Variants in KHDRBS3 observed in about 807,000 individuals in gnomAD.
KHDRBS3 encodes the protein KH RNA binding domain containing, signal transduction associated 3, also known as KH domain-containing, RNA-binding, signal transduction-associated protein 3.
KHDRBS3 carries 23 observed loss-of-function variants against 45.6 expected under a neutral mutation model. That is an observed-to-expected ratio of 0.50 (90% confidence interval 0.36 to 0.72). The LOEUF (loss-of-function observed/expected upper bound fraction) is 0.72. KHDRBS3 is among the 30% of genes least tolerant of loss of function. KHDRBS3 has a pLI of 0.00. For missense variants in KHDRBS3, 352 were observed against 424.8 expected (o/e 0.83, Z 1.51); for synonymous variants, 162 against 156.5 (o/e 1.04, Z -0.26).
intron 2 of KHDRBS3, among the ~76,000 whole-genome samples, chr8:135,527,947 A>C (rs1825276718): frequency 6.6e-6 from 1 of 152,142 alleles, no homozygotes; most frequent in Non-Finnish European, 1.5e-5. Context: ...ATATAAAAAC[A>C]TTTTCCATTT....
At chr8:135,634,727 G>A (rs965883454) in intron 7 of KHDRBS3, among the ~76,000 whole-genome samples, 4 of 152,178 alleles carry the variant, frequency 2.6e-5, no homozygotes, top group African/African-American at 9.7e-5. Flanking sequence ...TGCCCCAGAA[G>A]ACCAAGCTTT....
chr8:135,468,683 A>T (rs1019312087), intron 1 of KHDRBS3, among the ~76,000 whole-genome samples: 2 of 152,240 alleles, frequency 1.3e-5, no homozygotes, highest in Non-Finnish European at 2.9e-5. Flanking sequence ...CAGCAGAGAA[A>T]CTAGGAGCCC....
chr8:135,607,053 T>C lies in KHDRBS3; in HGVS notation c.890+16T>C. On this transcript the variant is annotated intron_variant, in intron 7 of 8. Coordinates refer to ENST00000355849, the MANE Select transcript of KHDRBS3 (RefSeq NM_006558.3). ...CAGCCCAAAGGTAAGAGTCAGTCTT[T>C]ATTACCAGACCCCACAACAGAAACC... is the stretch of plus-strand genomic sequence containing the variant. The C allele has an allele frequency of 6.3e-7, 1 of 1,587,824 alleles. No individual in the cohort carries two copies. The highest frequency in any genetic ancestry group is 8.6e-7 in the Non-Finnish European group (1 of 1,156,852).
At chr8:135,540,826 A>G (rs746763769) in intron 2 of KHDRBS3, 10 of 152,222 alleles carry the variant, frequency 6.6e-5, no homozygotes, top group Admixed American at 2.6e-4. Flanking sequence ...ATGTATGAAA[A>G]CAGAACTTCC....
chr8:135,506,142 G>A (rs1230427034), intron 1 of KHDRBS3, among the ~76,000 whole-genome samples: 2 of 152,090 alleles, frequency 1.3e-5, no homozygotes, highest in Non-Finnish European at 2.9e-5. Flanking sequence ...ATTCTTAAAC[G>A]TTCATCAAGT....
At chr8:135,472,264 G>A (rs1258351984) in intron 1 of KHDRBS3, among the ~76,000 whole-genome samples, 4 of 152,118 alleles carry the variant, frequency 2.6e-5, no homozygotes, top group Non-Finnish European at 4.4e-5. Flanking sequence ...CCTCTGTCAC[G>A]GAAGAGTTAC....
chr8:135,635,635 G>T (rs373657684), intron 7 of KHDRBS3, among the ~76,000 whole-genome samples: 3 of 152,232 alleles, frequency 2.0e-5, no homozygotes, highest in African/African-American at 7.2e-5. Context: ...CACCTGCCTC[G>T]GTCTCCCAAA....
chr8:135,624,802 A>G (rs545910056), intron 7 of KHDRBS3, among the ~76,000 whole-genome samples: 1 of 152,320 alleles, frequency 6.6e-6, no homozygotes, highest in East Asian at 1.9e-4. Context: ...TATTTTTCAC[A>G]ACATTCTCTG....
chr8:135,615,287 A>G lies in KHDRBS3; in HGVS notation c.890+8250A>G, dbSNP rs1181815903. 1.3e-5 allele frequency among the ~76,000 whole-genome samples: 2 copies of G among 149,030 alleles called. 1 individual carries two copies. The highest frequency in any genetic ancestry group is 5.2e-5 in the African/African-American group (2 of 38,644). On this transcript the variant is annotated intron_variant, in intron 7 of 8. Transcript: ENST00000355849. ...ACAGGGAAAAGGGAAGGAACAGCCCAAGACTGAATGTTAGCATGTGTAAGT... is the reference window on the plus strand; with the variant it reads ...ACAGGGAAAAGGGAAGGAACAGCCCGAGACTGAATGTTAGCATGTGTAAGT...
At chr8:135,560,814 A>G (rs1323421592) in intron 5 of KHDRBS3, among the ~76,000 whole-genome samples, 1 of 152,206 alleles carries the variant, frequency 6.6e-6, no homozygotes, top group Non-Finnish European at 1.5e-5. Context: ...TTTGTGGTGG[A>G]GTAATGATTG....
intron 2 of KHDRBS3, among the ~76,000 whole-genome samples, chr8:135,528,235 G>A (rs1586666491): frequency 6.6e-6 from 1 of 152,200 alleles, no homozygotes; most frequent in Admixed American, 6.5e-5. Context: ...CATATAAATG[G>A]TTAGGTCAAG....
At chr8:135,591,910 C>T (rs770954091) in intron 6 of KHDRBS3, among the ~76,000 whole-genome samples, 24 of 152,152 alleles carry the variant, frequency 1.6e-4, no homozygotes, top group Non-Finnish European at 2.4e-4. Flanking sequence ...CTCAAAACTG[C>T]TTCAATTATC....
chr8:135,643,074 T>A (rs1831133461), intron 7 of KHDRBS3, among the ~76,000 whole-genome samples: 1 of 152,296 alleles, frequency 6.6e-6, no homozygotes, highest in Middle Eastern at 3.4e-3. Flanking sequence ...ATTACAGGCA[T>A]GAGCCACCGC....
chr8:135,640,058 A>G (rs1175565431), intron 7 of KHDRBS3, among the ~76,000 whole-genome samples: 2 of 152,188 alleles, frequency 1.3e-5, no homozygotes, highest in Admixed American at 1.3e-4. Context: ...AGAAACTTTC[A>G]AAGAAGAGAT....
intron 4 of KHDRBS3, 95 bp downstream of exon 4, chr8:135,548,995 C>T (rs1826450449): frequency 6.1e-6 from 5 of 821,958 alleles, no homozygotes; most frequent in African/African-American, 1.8e-5. Flanking sequence ...TGCATAGCTC[C>T]TTTTCTGCTG....
chr8:135,580,215 G>T (rs1460974756), intron 5 of KHDRBS3, among the ~76,000 whole-genome samples: 1 of 152,222 alleles, frequency 6.6e-6, no homozygotes, highest in Non-Finnish European at 1.5e-5. Flanking sequence ...CCTCTGATGA[G>T]TAATGTAGAA....
At chr8:135,461,341 G>C (rs574010637) in intron 1 of KHDRBS3, among the ~76,000 whole-genome samples, 2 of 152,198 alleles carry the variant, frequency 1.3e-5, no homozygotes, top group Non-Finnish European at 2.9e-5. Context: ...CTGACCTCGT[G>C]ATCTGCCTGC....
intron 2 of KHDRBS3, among the ~76,000 whole-genome samples, chr8:135,531,051 A>G (rs1825449478): frequency 6.6e-6 from 1 of 152,208 alleles, no homozygotes; most frequent in Admixed American, 6.5e-5. Flanking sequence ...TGGGCTTCAT[A>G]GCTTGTCCTC....
intron 7 of KHDRBS3, among the ~76,000 whole-genome samples, chr8:135,634,753 T>C (rs924590490): frequency 6.6e-6 from 1 of 152,222 alleles, no homozygotes; most frequent in Admixed American, 6.5e-5. Flanking sequence ...CATGGTGTTA[T>C]GTGAGATCTG....
Sources: gnomAD v4.1 joint callset for allele counts (sites outside exome capture counted in the v4.1 genomes callset) on GRCh38, gnomAD v4.1.1 for gene constraint, MANE v1.5 for transcripts, NCBI Gene and HGNC (gene_info 2026-07-23, HGNC 2026-07-21) for gene names.